The following ATP8A2 variants were observed in gnomAD, a reference collection of about 807,000 sequenced individuals.
The protein encoded by ATP8A2 is phospholipid-transporting ATPase IB.
In ATP8A2, 100 loss-of-function variants were observed where a neutral mutation model predicts 165.6. The observed-to-expected ratio is 0.60, with a 90% CI of 0.51 to 0.71. The LOEUF (loss-of-function observed/expected upper bound fraction) is 0.71, where lower values mean the gene tolerates loss of function less well. Among genes scored for constraint, ATP8A2 ranks in the 30% least tolerant of loss-of-function variants. The pLI is 0.00. For missense variants in ATP8A2, 1,227 were observed against 1,479.5 expected, an observed-to-expected ratio of 0.83 and a Z score of 2.80; for synonymous variants, 543 against 548.8, an observed-to-expected ratio of 0.99 and a Z score of 0.15.
At position 25,399,410 on chromosome 13, in the gene ATP8A2, T is replaced by TTTTTTTC. The variant is rs2033546141; in HGVS notation, c.76+27128_76+27129insCTTTTTT. The stretch of plus-strand genomic sequence containing the variant: ...TTAGTGGTTCTTCTTTTTTTTTTTT[T>TTTTTTTC]TTTTTTGAGACGGAGTTTCGCTCTG... On this transcript the variant is annotated intron_variant, in intron 1 of 36. Coordinates refer to ENST00000381655, the MANE Select transcript of ATP8A2 (RefSeq NM_016529.6). Among the ~76,000 whole-genome samples, 2 of 133,088 alleles carry TTTTTTTC rather than the reference T, an allele frequency of 1.5e-5. 1 individual carries two copies. Among genetic ancestry groups the TTTTTTTC allele is most frequent in the African/African-American group, 5.5e-5 (2 of 36,302 alleles). The allele number at this position is 133,088 out of a possible 152,430, so 87.3% of individuals were successfully genotyped here.
chr13:25,961,392 G>T (rs1237249747), intron 33 of ATP8A2, among the ~76,000 whole-genome samples, 183 bp from the exon 34 acceptor site: 1 of 152,222 alleles, frequency 6.6e-6, no homozygotes, highest in Non-Finnish European at 1.5e-5. Flanking sequence ...AAGAGAGAAG[G>T]CTGCAGAGAG....
At chr13:25,895,420 C>G (rs925075032) in intron 33 of ATP8A2, among the ~76,000 whole-genome samples, 1 of 152,192 alleles carries the variant, frequency 6.6e-6, no homozygotes. Context: ...TGATGTGTTG[C>G]TGGATTCGGT....
chr13:25,943,733 C>G (rs1182185527), intron 33 of ATP8A2, among the ~76,000 whole-genome samples: 2 of 152,218 alleles, frequency 1.3e-5, no homozygotes, highest in African/African-American at 4.8e-5. Context: ...TTTAATGGGA[C>G]TTGTACTACT....
intron 6 of ATP8A2, among the ~76,000 whole-genome samples, chr13:25,536,527 C>A (rs2137958661): frequency 6.6e-6 from 1 of 152,262 alleles, no homozygotes; most frequent in Non-Finnish European, 1.5e-5. Context: ...CTTTAATAAA[C>A]AACTTAAAGC....
intron 24 of ATP8A2, among the ~76,000 whole-genome samples, chr13:25,610,570 T>C (rs1420295744): frequency 6.6e-6 from 1 of 152,178 alleles, no homozygotes; most frequent in East Asian, 1.9e-4. Flanking sequence ...ATTTGTTCTT[T>C]TTGCTTAGTC....
chr13:25,722,603 G>C lies in ATP8A2; in HGVS notation c.2384+23258G>C, dbSNP rs2138041440. 1.3e-5 allele frequency among the ~76,000 whole-genome samples: 2 copies of C among 152,282 alleles called. 1 individual carries two copies. Among genetic ancestry groups the C allele is most frequent in the African/African-American group, 4.8e-5 (2 of 41,550 alleles). ...ATCATCCAGAAGGGACTTTGGTGCTGCTACAGAATTTATTATTAGTAACAC... is the reference window on the plus strand; with the variant it reads ...ATCATCCAGAAGGGACTTTGGTGCTCCTACAGAATTTATTATTAGTAACAC... On this transcript the variant is annotated intron_variant, in intron 25 of 36. Transcript: ENST00000381655.
chr13:25,763,732 G>T (rs939641903), intron 25 of ATP8A2, among the ~76,000 whole-genome samples: 8 of 152,144 alleles, frequency 5.3e-5, no homozygotes, highest in Non-Finnish European at 7.4e-5. Flanking sequence ...TGAGGGAGCC[G>T]CACAGTTTGG....
intron 24 of ATP8A2, among the ~76,000 whole-genome samples, chr13:25,619,787 T>A (rs1364780543): frequency 6.6e-6 from 1 of 152,230 alleles, no homozygotes; most frequent in Non-Finnish European, 1.5e-5. Flanking sequence ...TAGTGAATAT[T>A]TTTGGTTTTG....
chr13:25,469,597 T>C (rs573177233), intron 2 of ATP8A2, among the ~76,000 whole-genome samples: 1 of 152,304 alleles, frequency 6.6e-6, no homozygotes, highest in African/African-American at 2.4e-5. Flanking sequence ...GAGGTCTTCA[T>C]TTGCTGCGAA....
intron 2 of ATP8A2, among the ~76,000 whole-genome samples, chr13:25,503,181 G>A (rs966264900): frequency 1.3e-5 from 2 of 152,128 alleles, no homozygotes; most frequent in African/African-American, 2.4e-5. Context: ...GTTCAAACAG[G>A]GACTTACGCA....
At chr13:25,971,292 G>T (rs994107761) in intron 35 of ATP8A2, among the ~76,000 whole-genome samples, 2 of 148,874 alleles carry the variant, frequency 1.3e-5, no homozygotes, top group Non-Finnish European at 3.0e-5. Context: ...GTCCTGCTTG[G>T]CCTCCTAAGC....
intron 35 of ATP8A2, among the ~76,000 whole-genome samples, chr13:26,011,871 GC>G (rs1391685526): frequency 6.6e-6 from 1 of 152,112 alleles, no homozygotes; most frequent in Admixed American, 6.5e-5. Flanking sequence ...GGAGTTCGAG[GC>G]TGCAGTGAGC....
intron 35 of ATP8A2, among the ~76,000 whole-genome samples, chr13:25,973,610 CTGAG>C (rs557707033): frequency 5.7e-4 from 87 of 152,328 alleles, no homozygotes; most frequent in Non-Finnish European, 1.1e-3. Flanking sequence ...CGAATGCATT[CTGAG>C]TGAGTACTCA....
At chr13:25,686,935 A>C (rs968157875) in intron 24 of ATP8A2, among the ~76,000 whole-genome samples, 7 of 152,168 alleles carry the variant, frequency 4.6e-5, no homozygotes, top group African/African-American at 1.7e-4. Flanking sequence ...AAGCCCATTG[A>C]GAGCTGGGCC....
intron 1 of ATP8A2, among the ~76,000 whole-genome samples, chr13:25,388,324 C>G (rs2033128233): frequency 1.3e-5 from 2 of 152,100 alleles, no homozygotes; most frequent in African/African-American, 4.8e-5. Flanking sequence ...CTCAGTGTAG[C>G]AGGACAAGCC....
Position 25,441,349 on chromosome 13 carries a change from T to TTA in ATP8A2, c.77-27628_77-27627insTA, listed in dbSNP as rs557276025. 3.3e-4 allele frequency among the ~76,000 whole-genome samples: 51 copies of TTA among 152,348 alleles called. No homozygotes were observed. In the East Asian group the frequency reaches 9.8e-3, roughly 29 times the overall value. On this transcript the variant is annotated intron_variant, in intron 1 of 36. Coordinates refer to ENST00000381655, the MANE Select transcript of ATP8A2 (RefSeq NM_016529.6). ...TAAAGCACTGTGTGTCAAGAGGTAT[T>TTA]GCTTTTGGCAATTGAATGCTTTTGT...
intron 27 of ATP8A2, among the ~76,000 whole-genome samples, chr13:25,784,506 A>T (rs1473538590): frequency 6.6e-6 from 1 of 152,070 alleles, no homozygotes; most frequent in Non-Finnish European, 1.5e-5. Flanking sequence ...TGTTACTTTT[A>T]TTTTTCCAAA....
chr13:25,577,461 A>G (rs1220474729), intron 20 of ATP8A2, among the ~76,000 whole-genome samples: 1 of 152,186 alleles, frequency 6.6e-6, no homozygotes, highest in African/African-American at 2.4e-5. Flanking sequence ...GGGAAGACAA[A>G]GTAATTTGTG....
In ATP8A2 at chr13:25,808,509, G is replaced by A. The variant is rs959195388; in HGVS notation, c.2680-19609G>A. ...AACTATTCGGGAGGCTGAGGCAGGAGAATCACTTGAACTGGGGAGGCAGAG... is the reference window on the plus strand; with the variant it reads ...AACTATTCGGGAGGCTGAGGCAGGAAAATCACTTGAACTGGGGAGGCAGAG... On this transcript the variant is annotated intron_variant, in intron 27 of 36. Transcript: ENST00000381655. 2.0e-5 allele frequency among the ~76,000 whole-genome samples: 3 copies of A among 151,152 alleles called. No homozygotes were observed. In the South Asian group the frequency reaches 6.3e-4, roughly 32 times the overall value.
Sources: allele counts gnomAD v4.1 joint callset (sites outside exome capture counted in the v4.1 genomes callset), GRCh38; gene constraint gnomAD v4.1.1; transcripts MANE v1.5; gene names NCBI Gene and HGNC (gene_info 2026-07-23, HGNC 2026-07-21).